SNURF: variants seen among roughly 807,000 people sequenced by gnomAD.
The protein encoded by SNURF is SNURF protein.
A neutral mutation model predicts 11.6 loss-of-function variants in SNURF; 6 were observed. That is an observed-to-expected ratio of 0.52 (90% CI 0.28 to 1.02). The LOEUF (loss-of-function observed/expected upper bound fraction) is 1.02, where lower values mean the gene tolerates loss of function less well. SNURF is among the 50% of genes least tolerant of loss of function. The probability of loss-of-function intolerance (pLI) is 0.09; values close to 1 mark genes in which losing one functional copy is unlikely to be tolerated. For synonymous variants in SNURF, 29 were observed against 31.6 expected (o/e 0.92, Z 0.27); for missense variants, 84 against 88.4 (o/e 0.95, Z 0.20).
chr15:24,967,499 G>A (rs765750290), intron 2 of SNURF, among the ~76,000 whole-genome samples: 11 of 152,046 alleles, frequency 7.2e-5, no homozygotes, highest in Non-Finnish European at 1.3e-4. Context: ...AAAATTAGCC[G>A]AGAGTGGTGG....
chr15:24,955,005 C>A, exon 1 of SNURF: 1 of 1,611,446 alleles, frequency 6.2e-7, no homozygotes, highest in Non-Finnish European at 8.5e-7. Context: ...GAGCGGCCGC[C>A]GGAGATGCCT....
downstream of SNURF, among the ~76,000 whole-genome samples, chr15:24,969,488 C>T (rs749204722): frequency 8.5e-5 from 13 of 152,134 alleles, no homozygotes; most frequent in Admixed American, 2.0e-4. Context: ...TTTCTTGAAT[C>T]CTTTATACAC....
intron 1 of SNURF, among the ~76,000 whole-genome samples, chr15:24,956,359 G>GGGA (rs200069493): frequency 1.3e-5 from 2 of 151,286 alleles, no homozygotes; most frequent in Admixed American, 1.3e-4. Context: ...TTCAGCGGGG[G>GGGA]GGTGGCCGCT....
chr15:24,957,357 T>C (rs1056629898), intron 1 of SNURF, among the ~76,000 whole-genome samples: 1 of 152,188 alleles, frequency 6.6e-6, no homozygotes, highest in Non-Finnish European at 1.5e-5. Context: ...GAGACAATCT[T>C]ATTGGGGTGG....
At chr15:24,958,474 A>C (rs2074192004) in intron 1 of SNURF, among the ~76,000 whole-genome samples, 1 of 115,084 alleles carries the variant, frequency 8.7e-6, no homozygotes, top group South Asian at 3.5e-4. Flanking sequence ...TCTGGATGCT[A>C]GCTGGCTCAA....
At chr15:24,959,512 A>G (rs532449423) in intron 1 of SNURF, among the ~76,000 whole-genome samples, 30 of 152,282 alleles carry the variant, frequency 2.0e-4, no homozygotes, top group Middle Eastern at 6.8e-3. Context: ...TTTGATGGCT[A>G]TTTCCTCAGT....
chr15:24,967,522 G>C (rs1203671131), intron 2 of SNURF, among the ~76,000 whole-genome samples: 6 of 151,956 alleles, frequency 3.9e-5, no homozygotes, highest in Non-Finnish European at 7.4e-5. Flanking sequence ...GGCACCTGTA[G>C]TCTCAGCTAC....
intron 1 of SNURF, among the ~76,000 whole-genome samples, chr15:24,956,023 G>A (rs1030035011): frequency 6.6e-6 from 1 of 152,064 alleles, no homozygotes; most frequent in African/African-American, 2.4e-5. Flanking sequence ...TGGTGGTGGT[G>A]CTTTTTTATT....
At chr15:24,957,461 G>A (rs1321235774) in intron 1 of SNURF, among the ~76,000 whole-genome samples, 1 of 152,124 alleles carries the variant, frequency 6.6e-6, no homozygotes, top group Non-Finnish European at 1.5e-5. Flanking sequence ...TGGTGAGAAA[G>A]GTTAATGAAT....
At chr15:24,962,302 T>TTATC in intron 2 of SNURF, 93 bp downstream of exon 2, 1 of 1,006,638 alleles carries the variant, frequency 9.9e-7, no homozygotes, top group Non-Finnish European at 1.5e-6. Context: ...AAAATGAACA[T>TTATC]AATTGAAGAA....
At chr15:24,957,925 T>G (rs1338007356) in intron 1 of SNURF, among the ~76,000 whole-genome samples, 1 of 152,184 alleles carries the variant, frequency 6.6e-6, no homozygotes, top group Non-Finnish European at 1.5e-5. Flanking sequence ...AAGGTCTGTG[T>G]CCTACTCAGT....
downstream of SNURF, among the ~76,000 whole-genome samples, chr15:24,970,313 C>T (rs1334699590): frequency 6.6e-6 from 1 of 152,146 alleles, no homozygotes; most frequent in Non-Finnish European, 1.5e-5. Context: ...GGTGTGGTGG[C>T]TCACGCCTGT....
chr15:24,968,909 G>GT (rs1298164604), downstream of SNURF: 9 of 151,796 alleles, frequency 5.9e-5, no homozygotes, highest in Admixed American at 2.6e-4. Flanking sequence ...ATTTTGATTT[G>GT]TTTTCTTGTT....
chr15:24,969,882 T>C (rs1372469641), downstream of SNURF, among the ~76,000 whole-genome samples: 2 of 152,246 alleles, frequency 1.3e-5, no homozygotes, highest in Non-Finnish European at 2.9e-5. Flanking sequence ...TATTATGTTA[T>C]CTTTGGCCAC....
At chr15:24,966,667 A>G (rs1341469367) in intron 2 of SNURF, among the ~76,000 whole-genome samples, 1 of 152,208 alleles carries the variant, frequency 6.6e-6, no homozygotes, top group Non-Finnish European at 1.5e-5. Context: ...TTCACTGGGT[A>G]AATTCCAAGG....
intron 1 of SNURF, among the ~76,000 whole-genome samples, chr15:24,957,519 T>C (rs1399653138): frequency 1.3e-5 from 2 of 152,258 alleles, no homozygotes; most frequent in Non-Finnish European, 2.9e-5. Flanking sequence ...CATTTTATTC[T>C]AAGGATTTTG....
chr15:24,956,329 G>T (rs2062868748), intron 1 of SNURF, among the ~76,000 whole-genome samples: 1 of 144,200 alleles, frequency 6.9e-6, no homozygotes, highest in South Asian at 2.1e-4. Context: ...CGCTGCAGCG[G>T]CTTAGATCTG....
downstream of SNURF, chr15:24,978,373 C>A: frequency 6.2e-7 from 1 of 1,613,906 alleles, no homozygotes; most frequent in African/African-American, 1.3e-5. Context: ...ATATGTGTAT[C>A]CTCTTTTTCT....
At chr15:24,970,713 G>A (rs1009104654), downstream of SNURF, among the ~76,000 whole-genome samples, 3 of 152,116 alleles carry the variant, frequency 2.0e-5, no homozygotes, top group Admixed American at 2.0e-4. Context: ...AAACGTTTTT[G>A]TTACATTGTT....
Sources: gnomAD v4.1 joint callset for allele counts (sites outside exome capture counted in the v4.1 genomes callset) on GRCh38, gnomAD v4.1.1 for gene constraint, MANE v1.5 for transcripts, NCBI Gene and HGNC (gene_info 2026-07-23, HGNC 2026-07-21) for gene names.